The following GARIN5B variants were observed in gnomAD, a reference collection of about 807,000 sequenced individuals.
The protein encoded by GARIN5B is golgi associated RAB2 interactor family member 5B, also known as Golgi-associated RAB2 interactor protein 5B.
At chr19:55,359,111 G>A in the GARIN5B span, 33 of 1,551,076 alleles carry the variant, frequency 2.1e-5, no homozygotes, top group Middle Eastern at 1.7e-4. Flanking sequence ...CACCGGCTCC[G>A]GTTTCCCTCC....
chr19:55,363,245 T>G, the GARIN5B span: 1 of 570,646 alleles, frequency 1.8e-6, no homozygotes, highest in Non-Finnish European at 2.8e-6. The surrounding 1 kb of genome is among the most constrained non-coding windows in gnomAD (Gnocchi z 4.0). Context: ...CCTGCCAGGG[T>G]GGACAGCAGG....
the GARIN5B span, chr19:55,360,007 C>T: frequency 8.6e-6 from 13 of 1,518,610 alleles, no homozygotes; most frequent in South Asian, 1.3e-5. Flanking sequence ...GGAGAGGATA[C>T]ATGGTCAGGA....
chr19:55,355,294 C>A, the GARIN5B span: 2 of 1,547,646 alleles, frequency 1.3e-6, no homozygotes, highest in Non-Finnish European at 1.7e-6. Context: ...CAGTTTCCAA[C>A]TGAGGTTAAG....
At chr19:55,359,816 C>A in the GARIN5B span, 1 of 1,551,414 alleles carries the variant, frequency 6.4e-7, no homozygotes, top group Non-Finnish European at 8.7e-7. Flanking sequence ...AGTGCTGCCC[C>A]CAGAGTCCAT....
At chr19:55,357,780 G>A in the GARIN5B span, among the ~76,000 whole-genome samples, 14 of 152,356 alleles carry the variant, frequency 9.2e-5, no homozygotes, top group Admixed American at 2.0e-4. Context: ...GGGGCCAGGC[G>A]TGGTGGCTCA....
At chr19:55,359,621 A>T in the GARIN5B span, 2 of 1,550,840 alleles carry the variant, frequency 1.3e-6, no homozygotes, top group Non-Finnish European at 1.7e-6. Flanking sequence ...GGACTGGTCA[A>T]CAAGGAACGG....
At chr19:55,360,926 G>GA in the GARIN5B span, 1 of 1,542,668 alleles carries the variant, frequency 6.5e-7, no homozygotes, top group Non-Finnish European at 8.8e-7. Flanking sequence ...AATACCGTGG[G>GA]ACTTTGGTGG....
chr19:55,360,831 G>T, the GARIN5B span: 1 of 1,548,024 alleles, frequency 6.5e-7, no homozygotes, highest in South Asian at 1.2e-5. Flanking sequence ...CTGTGGCAAG[G>T]GGTGGGGTGG....
the GARIN5B span, among the ~76,000 whole-genome samples, chr19:55,357,420 C>A: frequency 1.3e-5 from 2 of 152,210 alleles, no homozygotes; most frequent in African/African-American, 2.4e-5. Context: ...ATTTCCCACC[C>A]CGGGATCCCC....
chr19:55,358,958 C>A, the GARIN5B span: 19 of 1,551,112 alleles, frequency 1.2e-5, no homozygotes, highest in Non-Finnish European at 1.7e-5. Context: ...CCCCTGGCCC[C>A]TGAAGGCCTC....
chr19:55,359,836 C>T, the GARIN5B span: 153 of 1,551,354 alleles, frequency 9.9e-5, no homozygotes, highest in African/African-American at 2.9e-4. Flanking sequence ...TGAGGTCTTC[C>T]GTGTCCTGAT....
At chr19:55,361,685 GT>G in the GARIN5B span, among the ~76,000 whole-genome samples, 1 of 45,376 alleles carries the variant, frequency 2.2e-5, no homozygotes, top group African/African-American at 5.2e-5. Context: ...CCAGGCCTCA[GT>G]TCCTCCTCCC....
the GARIN5B span, among the ~76,000 whole-genome samples, chr19:55,357,134 G>A: frequency 5.9e-5 from 9 of 152,230 alleles, no homozygotes; most frequent in South Asian, 1.9e-3. Flanking sequence ...CTAGACCCCT[G>A]GCCTCCAACG....
chr19:55,359,335 A>G, the GARIN5B span: 9 of 1,404,166 alleles, frequency 6.4e-6, no homozygotes, highest in Non-Finnish European at 7.6e-6. Flanking sequence ...TGGTAGGTAC[A>G]GATGGGGCCT....
chr19:55,361,460 G>T, the GARIN5B span: 1 of 1,469,920 alleles, frequency 6.8e-7, no homozygotes, highest in African/African-American at 1.4e-5. Flanking sequence ...GAGGCAGGAG[G>T]GGCCCGGGCT....
the GARIN5B span, chr19:55,359,492 G>A: frequency 6.5e-6 from 10 of 1,548,588 alleles, no homozygotes; most frequent in East Asian, 2.4e-5. Context: ...GGCCTTCTGG[G>A]ATGGAGCAGG....
chr19:55,358,653 G>T, the GARIN5B span: 2 of 1,551,302 alleles, frequency 1.3e-6, no homozygotes, highest in South Asian at 2.4e-5. Flanking sequence ...GGGCGGGAGG[G>T]CACTGAAGCC....
At chr19:55,359,010 A>G in the GARIN5B span, 3 of 1,549,314 alleles carry the variant, frequency 1.9e-6, no homozygotes, top group Non-Finnish European at 1.7e-6. Context: ...ATGTCCTTGG[A>G]CTCCTTCTTG....
the GARIN5B span, among the ~76,000 whole-genome samples, chr19:55,356,363 C>G: frequency 6.6e-6 from 1 of 151,984 alleles, no homozygotes; most frequent in Admixed American, 6.5e-5. Flanking sequence ...GCACATGGCA[C>G]CATGCCTAGT....
Sources: gnomAD v4.1 joint callset for allele counts (sites outside exome capture counted in the v4.1 genomes callset) on GRCh38, gnomAD v4.1.1 for gene constraint, Gnocchi (gnomAD v3.1) non-coding constraint, MANE v1.5 for transcripts, NCBI Gene and HGNC (gene_info 2026-07-23, HGNC 2026-07-21) for gene names.